The following DRC1 variants were observed in gnomAD, a reference collection of about 807,000 sequenced individuals.
DRC1 encodes dynein regulatory complex protein 1.
DRC1 carries 74 observed loss-of-function variants against 98.7 expected under a neutral mutation model. The ratio of observed to expected loss-of-function variants is 0.75; its 90% CI spans 0.62 to 0.91. The LOEUF (loss-of-function observed/expected upper bound fraction) is 0.91. Ranked by LOEUF, DRC1 falls within the 40% of genes least tolerant of loss-of-function variation. DRC1 has a pLI of 0.00. For missense variants in DRC1, 875 were observed against 886.0 expected, an observed-to-expected ratio of 0.99 and a Z score of 0.16; for synonymous variants, 336 against 334.1, an observed-to-expected ratio of 1.01 and a Z score of -0.06.
chr2:26,424,321 A>T lies in DRC1; in HGVS notation c.407A>T (p.Glu136Val), dbSNP rs1377322973. The change falls in exon 4 of 17, where the codon GAA becomes GTA. Residue 136 changes from glutamate (E) to valine (V), a missense_variant. Transcript: ENST00000288710. ...EVKTSQDKFDEITSKWEEGKQ... is the reference protein window; with the variant it reads ...EVKTSQDKFDVITSKWEEGKQ... ...AAGACCAGCCAGGACAAATTCGATG[A>T]AATCACCTCAAAGTGGGAAGAGGGC... The T allele has an allele frequency of 1.2e-6, 2 of 1,613,902 alleles. No homozygotes were observed. The highest frequency in any genetic ancestry group is 1.7e-6 in the Non-Finnish European group (2 of 1,180,030).
chr2:26,428,800 A>G (rs1663352410), intron 4 of DRC1, among the ~76,000 whole-genome samples: 2 of 152,080 alleles, frequency 1.3e-5, no homozygotes, highest in Non-Finnish European at 2.9e-5. Context: ...TCTGTCTCAA[A>G]AAAAAAAAAT....
At chr2:26,411,482 CAT>C (rs1373834659) in intron 1 of DRC1, among the ~76,000 whole-genome samples, 1 of 152,192 alleles carries the variant, frequency 6.6e-6, no homozygotes, top group East Asian at 1.9e-4. Context: ...TTTATAGCCA[CAT>C]GTGGTTATTG....
At chr2:26,439,816 G>T (rs1186452452) in intron 7 of DRC1, among the ~76,000 whole-genome samples, 1 of 150,642 alleles carries the variant, frequency 6.6e-6, no homozygotes, top group Non-Finnish European at 1.5e-5. Context: ...TGACTCTCAT[G>T]ATACATTTTC....
intron 1 of DRC1, among the ~76,000 whole-genome samples, chr2:26,404,269 G>T (rs994504532): frequency 1.2e-4 from 19 of 152,204 alleles, no homozygotes; most frequent in African/African-American, 4.6e-4. Context: ...TATTATGACA[G>T]AGATCAGGAG....
At chr2:26,444,409 G>T in intron 9 of DRC1, 53 bp downstream of exon 9, 1 of 1,584,840 alleles carries the variant, frequency 6.3e-7, no homozygotes. Context: ...AGGTGACGGG[G>T]ATGGAGTTTG....
At chr2:26,440,345 G>GTGTGTATA (rs1553342515) in intron 7 of DRC1, 33 bp from the exon 8 acceptor site, 1 of 1,323,228 alleles carries the variant, frequency 7.6e-7, no homozygotes, top group South Asian at 1.5e-5. Context: ...GTGTGTGTGT[G>GTGTGTATA]TATATATATA....
chr2:26,444,679 G>C (rs756964592), intron 9 of DRC1, 37 bp from the exon 10 acceptor site: 1 of 1,590,344 alleles, frequency 6.3e-7, no homozygotes, highest in Non-Finnish European at 8.6e-7. Context: ...CCAGGTCCTG[G>C]GGCCAGCTGG....
intron 4 of DRC1, among the ~76,000 whole-genome samples, chr2:26,429,370 C>CA (rs1238290049): frequency 6.6e-6 from 1 of 151,924 alleles, no homozygotes. Context: ...CGTGCACCAC[C>CA]ACATCTGGCT....
chr2:26,416,223 G>A (rs917715518), intron 2 of DRC1, among the ~76,000 whole-genome samples: 6 of 152,134 alleles, frequency 3.9e-5, no homozygotes, highest in African/African-American at 1.4e-4. Flanking sequence ...TGGGCAGGCT[G>A]GTCCCCACCC....
At chr2:26,411,248 T>G (rs1678599938) in intron 1 of DRC1, among the ~76,000 whole-genome samples, 1 of 152,252 alleles carries the variant, frequency 6.6e-6, no homozygotes, top group Non-Finnish European at 1.5e-5. Flanking sequence ...ATATGTCATT[T>G]CAAGTTTTCT....
At chr2:26,455,358 G>T in intron 16 of DRC1, 125 bp downstream of exon 16, 1 of 893,616 alleles carries the variant, frequency 1.1e-6, no homozygotes, top group Admixed American at 2.7e-5. Flanking sequence ...GTGATATGAT[G>T]TAAAAAATCA....
At chr2:26,412,672 A>G (rs1213000387) in intron 1 of DRC1, among the ~76,000 whole-genome samples, 1 of 152,232 alleles carries the variant, frequency 6.6e-6, no homozygotes, top group African/African-American at 2.4e-5. Context: ...AATGTAGAAA[A>G]TAGAACTTCT....
At position 26,402,105 on chromosome 2, in the gene DRC1, G is replaced by A. The variant is rs1261893984; in HGVS notation, c.116G>A (p.Arg39Gln). 1.2e-6 allele frequency: 2 copies of A among 1,612,096 alleles called. No homozygotes were observed. Among genetic ancestry groups the A allele is most frequent in the Admixed American group, 3.3e-5 (2 of 59,960 alleles). Reference sequence around the variant, plus strand: ...AACTCTCAGGAGCGCATCCAGGCCCGGCGCCTCCGCATCGCTGCGCGCTTA... The same window carrying A: ...AACTCTCAGGAGCGCATCCAGGCCCAGCGCCTCCGCATCGCTGCGCGCTTA... ...SDNSQERIQA[R>Q]RLRIAARLEA... Residue 39 changes from arginine to glutamine, a missense_variant, in exon 1 of 17, where the codon CGG becomes CAG. Physicochemically the swap from Arg to Gln is conservative, Grantham distance 43. Transcript: ENST00000288710.
intron 4 of DRC1, among the ~76,000 whole-genome samples, chr2:26,428,671 G>A (rs972338797): frequency 2.6e-5 from 4 of 152,094 alleles, no homozygotes; most frequent in Non-Finnish European, 5.9e-5. Context: ...AGTGATGGGC[G>A]CCTGTAGTCC....
chr2:26,448,825 A>T (rs1431291004), intron 11 of DRC1, 22 bp downstream of exon 11: 5 of 1,611,124 alleles, frequency 3.1e-6, no homozygotes, highest in Non-Finnish European at 3.4e-6. Flanking sequence ...CGGGGGCTGC[A>T]GCAGAGGGAC....
intron 10 of DRC1, chr2:26,448,224 C>CAAAA (rs34461558): frequency 7.6e-5 from 23 of 303,520 alleles, no homozygotes; most frequent in South Asian, 2.1e-4. Context: ...GACTCCATCT[C>CAAAA]AAAAAAAAAA....
chr2:26,421,558 T>TC (rs11444191), intron 3 of DRC1, among the ~76,000 whole-genome samples, 158 bp downstream of exon 3: 4,706 of 75,824 alleles, frequency 0.062, 79 homozygotes, highest in African/African-American at 0.1. Flanking sequence ...TTTCTCTCTC[T>TC]TTTTTTTTTT....
intron 7 of DRC1, among the ~76,000 whole-genome samples, chr2:26,438,751 G>A (rs1431404666): frequency 6.6e-6 from 1 of 152,162 alleles, no homozygotes; most frequent in African/African-American, 2.4e-5. Context: ...GGCTGTGATA[G>A]CCACTTGGAA....
At chr2:26,421,670 C>G (rs1663147466) in intron 3 of DRC1, among the ~76,000 whole-genome samples, 1 of 151,012 alleles carries the variant, frequency 6.6e-6, no homozygotes, top group Non-Finnish European at 1.5e-5. Flanking sequence ...AAGTGATTCT[C>G]CTGCCTCAGC....
Sources: gnomAD v4.1 joint callset for allele counts (sites outside exome capture counted in the v4.1 genomes callset) on GRCh38, gnomAD v4.1.1 for gene constraint, MANE v1.5 for transcripts, NCBI Gene and HGNC (gene_info 2026-07-23, HGNC 2026-07-21) for gene names.